MAP3K9: variants seen among roughly 807,000 people sequenced by gnomAD.
MAP3K9 encodes mitogen-activated protein kinase kinase kinase 9.
In MAP3K9, 46 loss-of-function variants were observed where a neutral mutation model predicts 95.8. The observed-to-expected ratio is 0.48, with a 90% CI of 0.38 to 0.61. The LOEUF is 0.61. MAP3K9 is among the 20% of genes least tolerant of loss of function. MAP3K9 has a pLI of 0.00. For synonymous variants in MAP3K9, 533 were observed against 593.8 expected (o/e 0.90, Z 1.49); for missense variants, 1,296 against 1,474.3 (o/e 0.88, Z 1.98).
chr14:70,769,167 G>A (rs763219096), intron 2 of MAP3K9, among the ~76,000 whole-genome samples: 1 of 152,114 alleles, frequency 6.6e-6, no homozygotes, highest in African/African-American at 2.4e-5. Context: ...CACCATGTTT[G>A]TGCCTGTGAA....
At chr14:70,755,300 G>A (rs139769370) in intron 3 of MAP3K9, among the ~76,000 whole-genome samples, 2,166 of 152,346 alleles carry the variant, frequency 0.014, 34 homozygotes, top group Non-Finnish European at 0.022. Context: ...CCCTAGGCAC[G>A]CACGGTGGGC....
intron 3 of MAP3K9, among the ~76,000 whole-genome samples, chr14:70,759,381 G>A (rs147795509): frequency 0.012 from 1,829 of 152,274 alleles, 48 homozygotes; most frequent in African/African-American, 0.042. Context: ...GGCAGAGGTG[G>A]CAGTGGGCTG....
At position 70,774,724 on chromosome 14, in the gene MAP3K9, C is replaced by T. The variant is rs1198821748; in HGVS notation, c.821-13542G>A. 3.3e-5 allele frequency among the ~76,000 whole-genome samples: 5 copies of T among 151,890 alleles called. No individual in the cohort carries two copies. In the South Asian group the frequency reaches 6.2e-4, roughly 19 times the overall value. On this transcript the variant is annotated intron_variant, in intron 2 of 11. Transcript: ENST00000554752. ...CAAAAAGGCCAGGCACGGTGGCTCA[C>T]GCCTGTAATCCCAGCACTGTGGGAG... is the stretch of plus-strand genomic sequence containing the variant.
chr14:70,731,519 G>A (rs1158720089), intron 11 of MAP3K9, among the ~76,000 whole-genome samples: 3 of 152,156 alleles, frequency 2.0e-5, no homozygotes, highest in Admixed American at 6.5e-5. Flanking sequence ...TTCCCACTAC[G>A]GCAGCGTAGT....
intron 2 of MAP3K9, among the ~76,000 whole-genome samples, chr14:70,787,401 G>A (rs59858521): frequency 0.23 from 34,128 of 151,416 alleles, 4,116 homozygotes; most frequent in South Asian, 0.38. Context: ...CTAGCTACTC[G>A]GGAGGCTGAG....
chr14:70,738,980 C>T (rs1199559519), intron 7 of MAP3K9, among the ~76,000 whole-genome samples: 4 of 152,094 alleles, frequency 2.6e-5, no homozygotes, highest in South Asian at 4.2e-4. Flanking sequence ...ATATCATAAA[C>T]GAGCAAACTA....
In MAP3K9 at chr14:70,800,816, C is replaced by G. The variant is rs373287003; in HGVS notation, c.671G>C (p.Arg224Pro). The change falls in exon 2 of 12, where the codon CGT becomes CCT. Residue 224 changes from arginine (R) to proline (P), a missense_variant. Arg to Pro is a moderately radical substitution (Grantham distance 103, BLOSUM62 -2). This residue lies in a region of MAP3K9 where 338 missense variants were observed against 363.4 expected (regional missense o/e 0.93). Coordinates refer to ENST00000554752, the MANE Select transcript of MAP3K9 (RefSeq NM_001284230.2). The stretch of plus-strand genomic sequence containing the variant: ...TAACACTCTATTCAAAGGTCCTCCA[C>G]GAGCAAACTCCATGACCAAGCAGAG... ...PNLCLVMEFA[R>P]GGPLNRVLSG... 9.9e-6 allele frequency: 16 copies of G among 1,614,192 alleles called. No homozygotes were observed. The African/African-American group carries it at 2.0e-4, about 20-fold the overall frequency.
chr14:70,773,583 G>T (rs1390616634), intron 2 of MAP3K9, among the ~76,000 whole-genome samples: 1 of 152,208 alleles, frequency 6.6e-6, no homozygotes, highest in Admixed American at 6.5e-5. Context: ...ATGTAGCCAG[G>T]TAACTAAAAA....
intron 7 of MAP3K9, 53 bp from the exon 8 acceptor site, chr14:70,738,451 C>A: frequency 6.5e-7 from 1 of 1,529,180 alleles, no homozygotes; most frequent in Non-Finnish European, 9.0e-7. Flanking sequence ...ACAGGGCTCC[C>A]CCAAACTAGC....
intron 7 of MAP3K9, 41 bp from the exon 8 acceptor site, chr14:70,738,439 A>T: frequency 6.3e-7 from 1 of 1,598,814 alleles, no homozygotes; most frequent in Non-Finnish European, 8.6e-7. Flanking sequence ...GAAAATGGAC[A>T]GACAGGGCTC....
At chr14:70,767,383 CAAAAAA>C (rs67534847) in intron 2 of MAP3K9, among the ~76,000 whole-genome samples, 4 of 65,328 alleles carry the variant, frequency 6.1e-5, no homozygotes, top group Non-Finnish European at 5.7e-5. Flanking sequence ...CACTCAGTCT[CAAAAAA>C]AAAAAAAAAA....
At position 70,730,317 on chromosome 14, in the gene MAP3K9, G is replaced by GTGC; in HGVS notation, c.*60_*62dup. 1 of 1,552,236 alleles carries GTGC rather than the reference G, an allele frequency of 6.4e-7. No homozygotes were observed. Among genetic ancestry groups the GTGC allele is most frequent in the East Asian group, 2.3e-5 (1 of 44,136 alleles). Reference sequence around the variant, plus strand: ...GGGGGTCCAACCCTGAGAAAGGGCTGTGCCCGCCAGCTCCCCTCATCTCCG... The same window carrying GTGC: ...GGGGGTCCAACCCTGAGAAAGGGCTGTGCTGCCCGCCAGCTCCCCTCATCTCCG... On this transcript the variant is annotated 3_prime_UTR_variant, in exon 12 of 12. Transcript: ENST00000554752.
intron 2 of MAP3K9, 45 bp downstream of exon 2, chr14:70,800,622 C>T (rs779391056): frequency 1.9e-6 from 3 of 1,578,856 alleles, no homozygotes; most frequent in East Asian, 2.2e-5. Context: ...TGGGATACAA[C>T]TGCAACTGCT....
chr14:70,767,254 C>T (rs1033684061), intron 2 of MAP3K9, among the ~76,000 whole-genome samples: 1 of 151,866 alleles, frequency 6.6e-6, no homozygotes, highest in Non-Finnish European at 1.5e-5. Context: ...CATGGTGGCA[C>T]ACACTTGTAG....
chr14:70,808,254 CT>C (rs1347983405), intron 1 of MAP3K9, among the ~76,000 whole-genome samples: 1 of 152,246 alleles, frequency 6.6e-6, no homozygotes, highest in Non-Finnish European at 1.5e-5. Flanking sequence ...TTCACACATG[CT>C]TCCGGGACTT....
At chr14:70,801,198 T>C in intron 1 of MAP3K9, 118 bp from the exon 2 acceptor site, 1 of 946,042 alleles carries the variant, frequency 1.1e-6, no homozygotes, top group South Asian at 1.8e-5. Context: ...GGCCTTTCTG[T>C]CTCCCCATTA....
Position 70,727,665 on chromosome 14 carries a change from G to GCT in MAP3K9, c.*2714_*2715insAG, listed in dbSNP as rs1321202086. 1.3e-5 allele frequency: 2 copies of GCT among 152,350 alleles called. No homozygotes were observed. Among genetic ancestry groups the GCT allele is most frequent in the Non-Finnish European group, 2.9e-5 (2 of 68,186 alleles). The allele number at this position is 152,350 out of a possible 1,614,324, so 9.4% of individuals were successfully genotyped here. ...CACTGAGAGAGTGCAGCAGTCAGGG[G>GCT]CCCATCAGAGACCAGGTGTGTAGGA... On this transcript the variant is annotated 3_prime_UTR_variant, in exon 12 of 12. Coordinates refer to ENST00000554752, the MANE Select transcript of MAP3K9 (RefSeq NM_001284230.2).
intron 7 of MAP3K9, 42 bp downstream of exon 7, chr14:70,740,000 C>T (rs1478655069): frequency 3.1e-6 from 5 of 1,614,030 alleles, no homozygotes; most frequent in Non-Finnish European, 4.2e-6. Context: ...GACAGGTGCC[C>T]CTGTGTGTTC....
At chr14:70,737,438 T>C (rs2054000387) in intron 8 of MAP3K9, among the ~76,000 whole-genome samples, 1 of 152,220 alleles carries the variant, frequency 6.6e-6, no homozygotes, top group Non-Finnish European at 1.5e-5. Context: ...TCTTCATTAC[T>C]ACACTATGAG....
Sources: gnomAD v4.1 joint callset for allele counts (sites outside exome capture counted in the v4.1 genomes callset) on GRCh38, gnomAD v4.1.1 for gene constraint, gnomAD v4.1.1 regional missense constraint, MANE v1.5 for transcripts, NCBI Gene and HGNC (gene_info 2026-07-23, HGNC 2026-07-21) for gene names.